Variants in RAB3GAP1 observed in about 807,000 individuals in gnomAD.
RAB3GAP1 encodes rab3 GTPase-activating protein catalytic subunit.
In RAB3GAP1, 86 loss-of-function variants were observed where a neutral mutation model predicts 130.7. The observed-to-expected ratio is 0.66, with a 90% confidence interval of 0.55 to 0.79. The LOEUF is 0.79. Ranked by LOEUF, RAB3GAP1 falls within the 30% of genes least tolerant of loss-of-function variation. RAB3GAP1 has a pLI of 0.00. For synonymous variants in RAB3GAP1, 367 were observed against 401.7 expected, an observed-to-expected ratio of 0.91 and a Z score of 1.03; for missense variants, 1,029 against 1,169.4, an observed-to-expected ratio of 0.88 and a Z score of 1.75.
intron 3 of RAB3GAP1, among the ~76,000 whole-genome samples, chr2:135,087,061 T>C (rs1690007247): frequency 6.6e-6 from 1 of 152,244 alleles, no homozygotes; most frequent in African/African-American, 2.4e-5. Context: ...GTGCTTTTTG[T>C]GTCTGGTCAA....
intron 3 of RAB3GAP1, among the ~76,000 whole-genome samples, chr2:135,087,288 C>A (rs964345599): frequency 3.3e-5 from 5 of 152,182 alleles, no homozygotes; most frequent in African/African-American, 1.2e-4. Context: ...TATGCCTATA[C>A]TATACTGTCT....
chr2:135,107,021 CA>C (rs1334727529), intron 5 of RAB3GAP1, among the ~76,000 whole-genome samples: 1 of 146,478 alleles, frequency 6.8e-6, no homozygotes, highest in East Asian at 2.1e-4. Context: ...TACTAGAGAA[CA>C]ATACCCTTGG....
chr2:135,055,950 C>T (rs1688996781), intron 2 of RAB3GAP1, among the ~76,000 whole-genome samples: 1 of 151,966 alleles, frequency 6.6e-6, no homozygotes, highest in East Asian at 2.0e-4. Context: ...CATTCTCCTG[C>T]CTCAGCCTCC....
chr2:135,068,318 G>T (rs907185113), intron 3 of RAB3GAP1, among the ~76,000 whole-genome samples: 1 of 151,968 alleles, frequency 6.6e-6, no homozygotes, highest in African/African-American at 2.4e-5. Flanking sequence ...TTAATGATTT[G>T]CTTGCCATTT....
chr2:135,060,798 CG>C (rs2104826112), intron 3 of RAB3GAP1, among the ~76,000 whole-genome samples: 1 of 152,076 alleles, frequency 6.6e-6, no homozygotes, highest in South Asian at 2.1e-4. Context: ...CTCTGCCTCC[CG>C]GGTTCAAGCA....
intron 3 of RAB3GAP1, among the ~76,000 whole-genome samples, chr2:135,077,984 CA>C (rs1364707387): frequency 6.6e-6 from 1 of 152,146 alleles, no homozygotes; most frequent in Non-Finnish European, 1.5e-5. Flanking sequence ...TATTTTCTCC[CA>C]TTCATGGGTT....
In RAB3GAP1 at chr2:135,153,886, G is replaced by A. The variant is rs775100907; in HGVS notation, c.2289+10G>A. 14 of 1,608,188 alleles carry A rather than the reference G, an allele frequency of 8.7e-6. No homozygotes were observed. The highest frequency in any genetic ancestry group is 1.2e-5 in the Non-Finnish European group (14 of 1,174,948). ...ACGGGAAGCAGAAAAGGTAATTGAGGTTTGAGTCTCTAATACTAGAATGCA... is the reference window on the plus strand; with the variant it reads ...ACGGGAAGCAGAAAAGGTAATTGAGATTTGAGTCTCTAATACTAGAATGCA... On this transcript the variant is annotated intron_variant, in intron 19 of 23. Coordinates refer to ENST00000264158, the MANE Select transcript of RAB3GAP1 (RefSeq NM_012233.3).
At chr2:135,156,960 T>C (rs1382916608) in intron 19 of RAB3GAP1, among the ~76,000 whole-genome samples, 1 of 152,166 alleles carries the variant, frequency 6.6e-6, no homozygotes, top group Non-Finnish European at 1.5e-5. Context: ...TCATATACAC[T>C]AATAACCATT....
intron 3 of RAB3GAP1, chr2:135,089,647 G>A (rs905025266): frequency 4.6e-5 from 8 of 174,048 alleles, no homozygotes; most frequent in Non-Finnish European, 1.0e-4. Context: ...TATGTTTATT[G>A]CAGCACTGTT....
downstream of RAB3GAP1, among the ~76,000 whole-genome samples, chr2:135,172,168 G>T (rs1455313414): frequency 6.6e-6 from 1 of 152,126 alleles, no homozygotes; most frequent in Non-Finnish European, 1.5e-5. Context: ...AGTGGCTCGT[G>T]CCTGTAATCC....
At chr2:135,119,371 A>T (rs1400002999) in intron 7 of RAB3GAP1, among the ~76,000 whole-genome samples, 1 of 152,130 alleles carries the variant, frequency 6.6e-6, no homozygotes, top group Non-Finnish European at 1.5e-5. Context: ...TGGCCTCCCA[A>T]AGTGCTGGGA....
At chr2:135,139,952 C>T (rs1691789711) in intron 17 of RAB3GAP1, among the ~76,000 whole-genome samples, 1 of 152,152 alleles carries the variant, frequency 6.6e-6, no homozygotes, top group Non-Finnish European at 1.5e-5. Flanking sequence ...GCATGCTTTG[C>T]TTACTCTTTT....
intron 19 of RAB3GAP1, among the ~76,000 whole-genome samples, chr2:135,157,038 C>T (rs1053934664): frequency 2.0e-5 from 3 of 152,056 alleles, no homozygotes; most frequent in African/African-American, 7.2e-5. Context: ...TATTTGAAAT[C>T]TTAATGAAGA....
At chr2:135,105,103 A>G (rs1373785980) in intron 5 of RAB3GAP1, among the ~76,000 whole-genome samples, 2 of 152,186 alleles carry the variant, frequency 1.3e-5, no homozygotes, top group East Asian at 1.9e-4. Flanking sequence ...GTCAGTGTCA[A>G]GTGTTCCAAA....
chr2:135,157,691 G>T (rs1692349161), intron 19 of RAB3GAP1, among the ~76,000 whole-genome samples: 1 of 151,916 alleles, frequency 6.6e-6, no homozygotes. Context: ...AATTAGCTGG[G>T]GGTGGTAGCA....
Position 135,169,249 on chromosome 2 carries a change from CTG to C in RAB3GAP1, c.*472_*473del. The C allele has an allele frequency of 4.3e-6, 1 of 234,924 alleles. No homozygotes were observed. The highest frequency in any genetic ancestry group is 8.5e-6 in the Non-Finnish European group (1 of 117,588). 14.6% of individuals were successfully genotyped at this position (234,924 alleles called of 1,614,324 possible). A position where few individuals can be genotyped will look rare whatever the true frequency, so the allele number is the denominator to read the frequency against. ...TGGTGGTAGCTTCTAGTCCCAGAAT[CTG>C]TGTTTTTAAAATACTACATGACATT... is the stretch of plus-strand genomic sequence containing the variant. On this transcript the variant is annotated 3_prime_UTR_variant, in exon 24 of 24. Transcript: ENST00000264158.
intron 19 of RAB3GAP1, 121 bp downstream of exon 19, chr2:135,153,997 T>C (rs969568342): frequency 1.1e-6 from 1 of 935,408 alleles, no homozygotes. Flanking sequence ...TGAAATTCAA[T>C]GAGCGTTTTA....
Position 135,139,096 on chromosome 2 carries a change from G to T in RAB3GAP1, c.1923+3164G>T, listed in dbSNP as rs2104957760. 1.3e-5 allele frequency among the ~76,000 whole-genome samples: 2 copies of T among 152,098 alleles called. 1 individual carries two copies. Among genetic ancestry groups the T allele is most frequent in the East Asian group, 3.9e-4 (2 of 5,186 alleles). ...TCGCCTATGATTTTTCTTTTAGGTT[G>T]CTCCCCTGTTCTTATTGATTCATAT... On this transcript the variant is annotated intron_variant, in intron 17 of 23. Transcript: ENST00000264158.
intron 3 of RAB3GAP1, among the ~76,000 whole-genome samples, chr2:135,072,412 T>C (rs1425718706): frequency 1.3e-5 from 2 of 152,190 alleles, no homozygotes; most frequent in Non-Finnish European, 2.9e-5. Flanking sequence ...AAGCCAGTTA[T>C]CAAAAAGGCA....
Sources: gnomAD v4.1 joint callset for allele counts (sites outside exome capture counted in the v4.1 genomes callset) on GRCh38, gnomAD v4.1.1 for gene constraint, MANE v1.5 for transcripts, NCBI Gene and HGNC (gene_info 2026-07-23, HGNC 2026-07-21) for gene names.